The following TRPM6 variants were observed in gnomAD, a reference collection of about 807,000 sequenced individuals.
TRPM6 encodes transient receptor potential cation channel subfamily M member 6.
A neutral mutation model predicts 247.6 loss-of-function variants in TRPM6; 111 were observed. The ratio of observed to expected loss-of-function variants is 0.45; its 90% CI spans 0.38 to 0.52. TRPM6 has a LOEUF of 0.52. TRPM6 is among the 20% of genes least tolerant of loss of function. TRPM6 has a pLI of 0.00. For missense variants in TRPM6, 2,126 were observed against 2,421.5 expected (o/e 0.88, Z 2.56); for synonymous variants, 892 against 853.8 (o/e 1.04, Z -0.78).
intron 25 of TRPM6, among the ~76,000 whole-genome samples, chr9:74,769,032 A>C (rs1294058210): frequency 2.0e-5 from 3 of 152,224 alleles, no homozygotes; most frequent in African/African-American, 7.2e-5. Flanking sequence ...ATTTTTACTT[A>C]ATAATAGATA....
intron 23 of TRPM6, among the ~76,000 whole-genome samples, chr9:74,776,953 ACAGATAACC>A (rs1827247041): frequency 6.6e-6 from 1 of 152,254 alleles, no homozygotes. Context: ...AAATAAAAAC[ACAGATAACC>A]CATAACTTGA....
intron 36 of TRPM6, among the ~76,000 whole-genome samples, chr9:74,737,882 A>G (rs944857): frequency 0.26 from 39,127 of 152,108 alleles, 6,990 homozygotes; most frequent in African/African-American, 0.5. Context: ...CATGTGAGGT[A>G]TTGATAGCCA....
intron 7 of TRPM6, among the ~76,000 whole-genome samples, chr9:74,825,271 C>CA (rs1829292382): frequency 6.6e-6 from 1 of 151,894 alleles, no homozygotes; most frequent in African/African-American, 2.4e-5. Context: ...CCAGAAAAAA[C>CA]AAAAAAGTCA....
chr9:74,776,903 G>T (rs1265681012), intron 23 of TRPM6, among the ~76,000 whole-genome samples: 2 of 152,168 alleles, frequency 1.3e-5, no homozygotes, highest in East Asian at 1.9e-4. Flanking sequence ...TTTAGAGAAA[G>T]ATAGCAGAGT....
chr9:74,881,841 G>A (rs2118532299), intron 1 of TRPM6, among the ~76,000 whole-genome samples: 1 of 152,202 alleles, frequency 6.6e-6, no homozygotes, highest in Admixed American at 6.5e-5. Flanking sequence ...GCATGCTATT[G>A]GTATAAAAAG....
chr9:74,844,060 AC>A (rs1830029432), intron 3 of TRPM6, among the ~76,000 whole-genome samples: 1 of 152,210 alleles, frequency 6.6e-6, no homozygotes, highest in Non-Finnish European at 1.5e-5. Context: ...CATACTAAAG[AC>A]AAATGTACTG....
rs1378183740 is a variant in TRPM6 at position 74,724,601 on chromosome 9, G to T, written c.*12C>A. 6.2e-7 allele frequency: 1 copy of T among 1,614,062 alleles called. No homozygotes were observed. Among genetic ancestry groups the T allele is most frequent in the South Asian group, 1.1e-5 (1 of 91,078 alleles). ...GCAGGGCAAGCACTGGGATCTTCTT[G>T]CTCCTCCCTTTTTATAGTTGCATAT... On this transcript the variant is annotated 3_prime_UTR_variant, in exon 39 of 39. Transcript: ENST00000360774.
chr9:74,740,434 T>C (rs1825825544), intron 33 of TRPM6, among the ~76,000 whole-genome samples: 1 of 152,242 alleles, frequency 6.6e-6, no homozygotes, highest in East Asian at 1.9e-4. Context: ...TTAATACAGG[T>C]TGCATATCCC....
chr9:74,879,395 T>C (rs781780741), intron 1 of TRPM6, among the ~76,000 whole-genome samples: 1 of 151,898 alleles, frequency 6.6e-6, no homozygotes, highest in Admixed American at 6.6e-5. Context: ...CATGGATATA[T>C]ATAGGGTTTT....
At chr9:74,821,560 A>G in intron 8 of TRPM6, 109 bp downstream of exon 8, 1 of 1,316,856 alleles carries the variant, frequency 7.6e-7, no homozygotes, top group Non-Finnish European at 1.1e-6. Flanking sequence ...TCCAGTCTCA[A>G]CTTCTATAAT....
chr9:74,835,954 G>A (rs542396940), intron 5 of TRPM6, among the ~76,000 whole-genome samples: 1 of 151,942 alleles, frequency 6.6e-6, no homozygotes, highest in Non-Finnish European at 1.5e-5. Context: ...TACATTATAG[G>A]GTCATGACAA....
chr9:74,800,932 A>T (rs1377804051), intron 16 of TRPM6, among the ~76,000 whole-genome samples: 3 of 150,640 alleles, frequency 2.0e-5, no homozygotes, highest in East Asian at 1.9e-4. Context: ...GACAAAAAAA[A>T]CTATTCAGAA....
At chr9:74,749,546 T>C (rs1377935871) in intron 30 of TRPM6, among the ~76,000 whole-genome samples, 1 of 152,232 alleles carries the variant, frequency 6.6e-6, no homozygotes. Context: ...TGGACAAGCC[T>C]ACAAATCAGT....
chr9:74,785,128 T>C (rs1478198250), intron 21 of TRPM6, among the ~76,000 whole-genome samples: 3 of 151,910 alleles, frequency 2.0e-5, no homozygotes, highest in African/African-American at 7.3e-5. Context: ...ATAATAATAA[T>C]AATAATTTCG....
Position 74,724,478 on chromosome 9 carries a change from CAGA to C in TRPM6, c.*132_*134del, listed in dbSNP as rs1245091053. Reference sequence around the variant, plus strand: ...ATCATATACCAATGAGGCCTTTGAACAGAAGGAGATGTGAGGCTCAGAAGGCGT... The same window carrying C: ...ATCATATACCAATGAGGCCTTTGAACAGGAGATGTGAGGCTCAGAAGGCGT... On this transcript the variant is annotated 3_prime_UTR_variant, in exon 39 of 39. Transcript: ENST00000360774. 2.3e-6 allele frequency: 3 copies of C among 1,301,732 alleles called. No homozygotes were observed. The highest frequency in any genetic ancestry group is 3.3e-6 in the Non-Finnish European group (3 of 907,116). 80.6% of individuals were successfully genotyped at this position (1,301,732 alleles called of 1,614,324 possible). A position where few individuals can be genotyped will look rare whatever the true frequency, so the allele number is the denominator to read the frequency against.
chr9:74,818,262 T>C (rs566212949), intron 9 of TRPM6, among the ~76,000 whole-genome samples: 1 of 151,452 alleles, frequency 6.6e-6, no homozygotes, highest in South Asian at 2.1e-4. Flanking sequence ...ATTTCAACTC[T>C]TCTGAAACTC....
intron 14 of TRPM6, chr9:74,804,862 C>CA (rs1220909943): frequency 1.5e-5 from 6 of 398,220 alleles, no homozygotes; most frequent in East Asian, 8.3e-5. Flanking sequence ...GTCCGAAGCA[C>CA]AAAAAATCCC....
intron 2 of TRPM6, among the ~76,000 whole-genome samples, chr9:74,855,977 C>G (rs1356129227): frequency 2.6e-5 from 4 of 152,152 alleles, no homozygotes; most frequent in African/African-American, 9.7e-5. Context: ...GAAGATAACA[C>G]AGATTTCTTG....
At chr9:74,731,253 C>G (rs73530659) in intron 37 of TRPM6, among the ~76,000 whole-genome samples, 5,858 of 152,208 alleles carry the variant, frequency 0.038, 377 homozygotes, top group African/African-American at 0.13. Flanking sequence ...TATACATAAA[C>G]TTGGTTCATT....
Sources: allele counts gnomAD v4.1 joint callset (sites outside exome capture counted in the v4.1 genomes callset), GRCh38; gene constraint gnomAD v4.1.1; transcripts MANE v1.5; gene names NCBI Gene and HGNC (gene_info 2026-07-23, HGNC 2026-07-21).